LRIF1: variants seen among roughly 807,000 people sequenced by gnomAD.
LRIF1 encodes ligand dependent nuclear receptor interacting factor 1.
LRIF1 carries 32 observed loss-of-function variants against 52.7 expected under a neutral mutation model. That is an observed-to-expected ratio of 0.61 (90% CI 0.46 to 0.82). The LOEUF is 0.82. Ranked by LOEUF, LRIF1 falls within the 40% of genes least tolerant of loss-of-function variation. LRIF1 has a pLI of 0.00. For missense variants in LRIF1, 887 were observed against 892.0 expected (o/e 0.99, Z 0.07); for synonymous variants, 323 against 317.4 (o/e 1.02, Z -0.19).
At chr1:110,890,595 GA>G in the LRIF1 span, among the ~76,000 whole-genome samples, 104 of 151,854 alleles carry the variant, frequency 6.8e-4, 1 homozygote, top group African/African-American at 2.5e-3. Flanking sequence ...GAAAGAGAAA[GA>G]GAAAGGAAAG....
At chr1:110,892,003 A>G in the LRIF1 span, among the ~76,000 whole-genome samples, 2 of 152,334 alleles carry the variant, frequency 1.3e-5, no homozygotes, top group Admixed American at 1.3e-4. Flanking sequence ...TCTTCTCTAC[A>G]TGGTCATGGT....
the LRIF1 span, among the ~76,000 whole-genome samples, chr1:110,914,227 A>C: frequency 6.6e-6 from 1 of 152,016 alleles, no homozygotes; most frequent in Non-Finnish European, 1.5e-5. Context: ...CTGGGTGACA[A>C]AATTGTTTGT....
the LRIF1 span, among the ~76,000 whole-genome samples, chr1:110,907,335 T>C: frequency 6.6e-6 from 1 of 152,200 alleles, no homozygotes; most frequent in African/African-American, 2.4e-5. Flanking sequence ...ACCAGAATTT[T>C]CTTCTCAGAG....
At chr1:110,878,837 G>A in the LRIF1 span, among the ~76,000 whole-genome samples, 1 of 152,082 alleles carries the variant, frequency 6.6e-6, no homozygotes, top group East Asian at 1.9e-4. Flanking sequence ...TTCTAATAAC[G>A]TATTCTCAAT....
intron 2 of LRIF1, 148 bp downstream of exon 2, chr1:110,951,140 T>G: frequency 1.6e-6 from 1 of 637,990 alleles, no homozygotes; most frequent in Non-Finnish European, 2.6e-6. Context: ...CAGATGGAAG[T>G]TTTGACTTAA....
chr1:110,945,920 G>T (rs1403253827), downstream of LRIF1, among the ~76,000 whole-genome samples: 1 of 152,110 alleles, frequency 6.6e-6, no homozygotes, highest in African/African-American at 2.4e-5. Flanking sequence ...AGCAAAACCT[G>T]ACTGAAATAG....
chr1:110,912,236 G>A, the LRIF1 span, among the ~76,000 whole-genome samples: 78 of 150,076 alleles, frequency 5.2e-4, no homozygotes, highest in Middle Eastern at 3.4e-3. Flanking sequence ...TTTTTAGACC[G>A]AGTCTGGCTC....
At chr1:110,959,364 A>C (rs1188719229) in intron 1 of LRIF1, among the ~76,000 whole-genome samples, 2 of 152,220 alleles carry the variant, frequency 1.3e-5, no homozygotes, top group Non-Finnish European at 2.9e-5. Context: ...GAAGTAAATG[A>C]AATAACTGCC....
At chr1:110,894,240 C>A in the LRIF1 span, 1 of 1,161,868 alleles carries the variant, frequency 8.6e-7, no homozygotes, top group Non-Finnish European at 1.3e-6. Context: ...TGTACTCGTG[C>A]AAATGCCCCT....
intron 2 of LRIF1, among the ~76,000 whole-genome samples, chr1:110,950,530 T>G (rs1017651260): frequency 6.6e-6 from 1 of 152,142 alleles, no homozygotes; most frequent in African/African-American, 2.4e-5. Flanking sequence ...GTTCAATGAA[T>G]TCTGTACTGA....
chr1:110,944,015 G>A (rs972435106), downstream of LRIF1: 4 of 152,174 alleles, frequency 2.6e-5, no homozygotes, highest in African/African-American at 9.7e-5. Flanking sequence ...GAAGGGTAAT[G>A]GGGAATGGCT....
At chr1:110,884,016 T>C in the LRIF1 span, among the ~76,000 whole-genome samples, 1 of 152,018 alleles carries the variant, frequency 6.6e-6, no homozygotes, top group Non-Finnish European at 1.5e-5. Context: ...GTTTAATTGA[T>C]TTCAGTGCTT....
At chr1:110,879,201 G>A in the LRIF1 span, among the ~76,000 whole-genome samples, 9 of 152,218 alleles carry the variant, frequency 5.9e-5, no homozygotes, top group Middle Eastern at 3.4e-3. Context: ...CTTTCAGTGA[G>A]TTTTCACTGA....
intron 1 of LRIF1, chr1:110,963,373 C>T (rs1312998281): frequency 3.1e-6 from 1 of 319,314 alleles, no homozygotes; most frequent in Non-Finnish European, 5.9e-6. Flanking sequence ...CTCGGTCCGC[C>T]TATTAAACTT....
In LRIF1 at chr1:110,951,441, T is replaced by C; in HGVS notation, c.1443A>G (p.Gly481=). Residue 481 remains glycine, a synonymous_variant, in exon 2 of 4, where the codon GGA becomes GGG. Transcript: ENST00000369763. Reference sequence around the variant, plus strand: ...TGGGGGCATTGTGTCCTGTACTAAATCCAACTGGAAAGATTGGATTTGTGA... The same window carrying C: ...TGGGGGCATTGTGTCCTGTACTAAACCCAACTGGAAAGATTGGATTTGTGA... The part of the protein sequence containing the change: ...TLFTNPIFPV[G]FSTGHNAPRK... 6.2e-7 allele frequency: 1 copy of C among 1,614,142 alleles called. No homozygotes were observed. The highest frequency in any genetic ancestry group is 8.5e-7 in the Non-Finnish European group (1 of 1,180,004).
At chr1:110,957,265 G>A (rs1394437236) in intron 1 of LRIF1, among the ~76,000 whole-genome samples, 1 of 145,404 alleles carries the variant, frequency 6.9e-6, no homozygotes, top group Non-Finnish European at 1.5e-5. Flanking sequence ...AGACCATCCT[G>A]GCTAACACAG....
At chr1:110,962,973 T>C (rs1156932327) in intron 1 of LRIF1, among the ~76,000 whole-genome samples, 2 of 151,824 alleles carry the variant, frequency 1.3e-5, no homozygotes, top group East Asian at 1.9e-4. Flanking sequence ...TTTACAAGAA[T>C]ATCTTCCTTA....
chr1:110,907,576 A>T, the LRIF1 span, among the ~76,000 whole-genome samples: 1 of 152,160 alleles, frequency 6.6e-6, no homozygotes, highest in Non-Finnish European at 1.5e-5. Flanking sequence ...CACTAAAAAT[A>T]CAAAAAAAAT....
chr1:110,894,232 T>G, the LRIF1 span: 4 of 1,002,154 alleles, frequency 4.0e-6, no homozygotes, highest in Non-Finnish European at 6.4e-6. Context: ...GAACACCCTG[T>G]ACTCGTGCAA....
Sources: gnomAD v4.1 joint callset for allele counts (sites outside exome capture counted in the v4.1 genomes callset) on GRCh38, gnomAD v4.1.1 for gene constraint, MANE v1.5 for transcripts, NCBI Gene and HGNC (gene_info 2026-07-23, HGNC 2026-07-21) for gene names.